The following PRSS23 variants were observed in gnomAD, a reference collection of about 807,000 sequenced individuals.
PRSS23 encodes serine protease 23, also known as protease, serine 23.
A neutral mutation model predicts 34.7 loss-of-function variants in PRSS23; 25 were observed. That is an observed-to-expected ratio of 0.72 (90% CI 0.53 to 1.01). PRSS23 has a LOEUF of 1.01. PRSS23 is among the 50% of genes least tolerant of loss of function. PRSS23 has a pLI of 0.00. For synonymous variants in PRSS23, 176 were observed against 186.6 expected (o/e 0.94, Z 0.46); for missense variants, 445 against 475.6 (o/e 0.94, Z 0.60).
intron 2 of PRSS23, among the ~76,000 whole-genome samples, chr11:86,924,613 T>C (rs975650973): frequency 1.3e-5 from 2 of 152,192 alleles, no homozygotes; most frequent in African/African-American, 4.8e-5. Flanking sequence ...TCAGTGACTC[T>C]CAGTTTACTC....
chr11:86,915,841 A>C (rs1274564577), intron 2 of PRSS23, among the ~76,000 whole-genome samples: 2 of 152,106 alleles, frequency 1.3e-5, no homozygotes, highest in African/African-American at 2.4e-5. Context: ...ACTTGAGGCC[A>C]GGAGTTCAAG....
rs7940477 is a variant in PRSS23 at position 86,951,072 on chromosome 11, T to C, written c.207-144T>C. 820 of 1,530,376 alleles carry C rather than the reference T, an allele frequency of 5.4e-4. 3 individuals carry two copies. The African/African-American group carries it at 9.6e-3, about 18-fold the overall frequency. The allele number at this position is 1,530,376 out of a possible 1,614,324, so 94.8% of individuals were successfully genotyped here. A position where few individuals can be genotyped will look rare whatever the true frequency, so the allele number is the denominator to read the frequency against. The stretch of plus-strand genomic sequence containing the variant: ...ACTGAGATTCACTGCATAAAACTTT[T>C]AGTAGAATTTCCTCCAAAATGCTGG... On this transcript the variant is annotated intron_variant, in intron 2 of 2. Transcript: ENST00000533902.
upstream of PRSS23, chr11:86,800,409 G>T (rs986004004): frequency 3.1e-6 from 3 of 972,482 alleles, no homozygotes; most frequent in Non-Finnish European, 3.7e-6. Context: ...GCGAGGGGAG[G>T]GGGGCACGGT....
chr11:86,939,682 G>A lies in PRSS23; in HGVS notation c.207-11534G>A, dbSNP rs1028000552. 2.0e-5 allele frequency among the ~76,000 whole-genome samples: 3 copies of A among 150,628 alleles called. No individual in the cohort carries two copies. In the Admixed American group the frequency reaches 2.0e-4, roughly 10 times the overall value. On this transcript the variant is annotated intron_variant, in intron 2 of 2. Coordinates refer to the PRSS23 transcript ENST00000533902. ...GGATGTTTTTCCTTCCTGAGAATAA[G>A]TTCAGGAAATGGGTGAAATGTTCAG...
intron 2 of PRSS23, among the ~76,000 whole-genome samples, chr11:86,903,976 T>G (rs1460821708): frequency 1.3e-5 from 2 of 151,986 alleles, no homozygotes; most frequent in East Asian, 3.9e-4. Flanking sequence ...GAAATAGGGC[T>G]GCTTGAATTG....
chr11:86,937,783 ATTCCTTTACT>A (rs1949174558), intron 2 of PRSS23: 1 of 152,320 alleles, frequency 6.6e-6, no homozygotes, highest in African/African-American at 2.4e-5. Flanking sequence ...CCATTCTTTT[ATTCCTTTACT>A]TTCTTAATAA....
In PRSS23 at chr11:86,942,918, T is replaced by C. The variant is rs532121954; in HGVS notation, c.207-8298T>C. Among the ~76,000 whole-genome samples, 8 of 152,356 alleles carry C rather than the reference T, an allele frequency of 5.3e-5. No homozygotes were observed. The South Asian group carries it at 1.4e-3, about 28-fold the overall frequency. ...AGCCCTTCTCCCAGTCTGGTTTATTTCTGTACACAGAACCTCTGAAAACAG... is the reference window on the plus strand; with the variant it reads ...AGCCCTTCTCCCAGTCTGGTTTATTCCTGTACACAGAACCTCTGAAAACAG... On this transcript the variant is annotated intron_variant, in intron 2 of 2. Transcript: ENST00000533902.
At chr11:86,832,684 C>A in intron 2 of PRSS23, 1 of 360,894 alleles carries the variant, frequency 2.8e-6, no homozygotes, top group East Asian at 7.3e-5. Context: ...TCAGGTACCC[C>A]CCAACGACTT....
At chr11:86,842,593 A>G (rs550242859) in intron 2 of PRSS23, among the ~76,000 whole-genome samples, 2 of 152,350 alleles carry the variant, frequency 1.3e-5, no homozygotes, top group East Asian at 3.8e-4. Context: ...TCAGGATACA[A>G]ATTCAATGTG....
intron 2 of PRSS23, among the ~76,000 whole-genome samples, chr11:86,905,693 A>G (rs1249187334): frequency 2.0e-5 from 3 of 152,180 alleles, no homozygotes; most frequent in African/African-American, 4.8e-5. Flanking sequence ...GAAGGTGTCA[A>G]TATTTACATC....
intron 2 of PRSS23, among the ~76,000 whole-genome samples, chr11:86,882,860 A>T (rs1050760267): frequency 6.6e-6 from 1 of 152,118 alleles, no homozygotes; most frequent in Non-Finnish European, 1.5e-5. Context: ...CCTCATCAGC[A>T]TCTGTTATTT....
chr11:86,921,246 T>C (rs7119097), intron 2 of PRSS23: 101,837 of 151,974 alleles, frequency 0.67, 34,635 homozygotes, highest in Non-Finnish European at 0.74. Context: ...CTGAAGGTTG[T>C]GTGATCTTCC....
chr11:86,792,359 G>A (rs142899971), intron 1 of PRSS23, among the ~76,000 whole-genome samples: 15 of 152,338 alleles, frequency 9.8e-5, no homozygotes, highest in Non-Finnish European at 1.9e-4. Context: ...CTCTGGGACA[G>A]CATTTTCTCC....
exon 3 of PRSS23, chr11:86,952,505 A>C (rs752864698): frequency 1.2e-6 from 2 of 1,604,422 alleles, no homozygotes. Context: ...ACACAAAAAA[A>C]ACAATGACTT....
intron 2 of PRSS23, chr11:86,932,797 G>C (rs1949135081): frequency 6.6e-6 from 1 of 152,172 alleles, no homozygotes; most frequent in Non-Finnish European, 1.5e-5. Flanking sequence ...TGACCTCCTT[G>C]AAGACTCTCT....
intron 2 of PRSS23, among the ~76,000 whole-genome samples, chr11:86,891,652 C>T (rs1181374229): frequency 6.6e-6 from 1 of 152,276 alleles, no homozygotes; most frequent in South Asian, 2.1e-4. Context: ...TTTCGCACTA[C>T]GTCTGCTATG....
intron 2 of PRSS23, among the ~76,000 whole-genome samples, chr11:86,860,484 T>A (rs1590898845): frequency 6.6e-6 from 1 of 150,572 alleles, no homozygotes; most frequent in East Asian, 2.0e-4. Context: ...GGGGAGAAGA[T>A]TATATTACTC....
chr11:86,801,341 A>G (rs1948035624), intron 1 of PRSS23, among the ~76,000 whole-genome samples: 1 of 152,246 alleles, frequency 6.6e-6, no homozygotes, highest in African/African-American at 2.4e-5. Context: ...GCGGGAGAAG[A>G]CTTGTTCAGA....
intron 2 of PRSS23, among the ~76,000 whole-genome samples, chr11:86,850,729 A>T (rs1948522806): frequency 3.3e-5 from 5 of 152,042 alleles, no homozygotes. Context: ...CCCAATTCCA[A>T]TTTCTTGTAA....
Sources: allele counts gnomAD v4.1 joint callset (sites outside exome capture counted in the v4.1 genomes callset), GRCh38; gene constraint gnomAD v4.1.1; transcripts MANE v1.5; gene names NCBI Gene and HGNC (gene_info 2026-07-23, HGNC 2026-07-21).